The following RORA variants were observed in gnomAD, a reference collection of about 807,000 sequenced individuals.
RORA encodes the protein nuclear receptor ROR-alpha.
A neutral mutation model predicts 69.5 loss-of-function variants in RORA; 7 were observed. The observed-to-expected ratio is 0.10, with a 90% CI of 0.06 to 0.19. RORA has a LOEUF of 0.19. Among genes scored for constraint, RORA ranks in the 10% least tolerant of loss-of-function variants. The pLI, the probability that RORA is intolerant of heterozygous loss-of-function variation, is 1.00. For missense variants in RORA, 457 were observed against 663.0 expected (o/e 0.69, Z 3.41); for synonymous variants, 261 against 240.8 (o/e 1.08, Z -0.78).
chr15:60,688,652 G>A (rs2070780836), intron 1 of RORA, among the ~76,000 whole-genome samples: 1 of 152,160 alleles, frequency 6.6e-6, no homozygotes, highest in Non-Finnish European at 1.5e-5. Flanking sequence ...AGTGCCCTAT[G>A]GTGATGGATA....
At chr15:60,536,824 C>T (rs955191109) in intron 2 of RORA, among the ~76,000 whole-genome samples, 1 of 152,184 alleles carries the variant, frequency 6.6e-6, no homozygotes, top group Non-Finnish European at 1.5e-5. Context: ...CGGTCAAAAA[C>T]TAGTGCTTTA....
chr15:60,900,409 G>GATTGCTATTTTAATACTGCTGTCAT (rs1891354923), intron 1 of RORA, among the ~76,000 whole-genome samples: 1 of 152,170 alleles, frequency 6.6e-6, no homozygotes, highest in African/African-American at 2.4e-5. Flanking sequence ...GAAAAATGTG[G>GATTGCTATTTTAATACTGCTGTCAT]ATTGCTATTT....
chr15:60,802,394 CT>C (rs1461824683), intron 1 of RORA, among the ~76,000 whole-genome samples: 6 of 152,168 alleles, frequency 3.9e-5, no homozygotes, highest in Admixed American at 3.3e-4. Context: ...GCTATTGGTC[CT>C]GTAAAGAGGC....
At chr15:60,757,299 A>G (rs925270431) in intron 1 of RORA, among the ~76,000 whole-genome samples, 3 of 151,962 alleles carry the variant, frequency 2.0e-5, no homozygotes, top group South Asian at 2.1e-4. Context: ...TCTTTTCCTC[A>G]AATCCATAAA....
intron 2 of RORA, among the ~76,000 whole-genome samples, chr15:60,584,799 CAT>C (rs1420188873): frequency 6.6e-6 from 1 of 151,988 alleles, no homozygotes; most frequent in African/African-American, 2.4e-5. Context: ...GAATACTTCT[CAT>C]GTGGTGAAAA....
chr15:60,915,361 G>T (rs1242538392), intron 1 of RORA, among the ~76,000 whole-genome samples: 1 of 152,242 alleles, frequency 6.6e-6, no homozygotes, highest in African/African-American at 2.4e-5. Flanking sequence ...TGGCCCTGGA[G>T]GAAGTTCTCA....
chr15:60,971,809 G>A (rs574423189), intron 1 of RORA, among the ~76,000 whole-genome samples: 37 of 152,326 alleles, frequency 2.4e-4, no homozygotes, highest in African/African-American at 8.2e-4. Flanking sequence ...AGATGTGGAT[G>A]TTCCTTCAGT....
At chr15:61,070,984 C>A (rs892966089) in intron 1 of RORA, among the ~76,000 whole-genome samples, 1 of 151,716 alleles carries the variant, frequency 6.6e-6, no homozygotes, top group Non-Finnish European at 1.5e-5. Context: ...TTTGCTCTCT[C>A]CTCTGTAAAT....
At chr15:61,089,525 G>A (rs2078673769) in intron 1 of RORA, among the ~76,000 whole-genome samples, 1 of 152,170 alleles carries the variant, frequency 6.6e-6, no homozygotes, top group South Asian at 2.1e-4. Flanking sequence ...CTTGGTGCAA[G>A]GTGAAAAGGA....
intron 1 of RORA, among the ~76,000 whole-genome samples, chr15:61,108,401 C>T (rs558916034): frequency 5.9e-5 from 9 of 152,190 alleles, no homozygotes; most frequent in African/African-American, 1.2e-4. Flanking sequence ...TACTTTCTTC[C>T]GGAACAGAGG....
In RORA at chr15:61,149,307, C is replaced by T. The variant is rs370611806; in HGVS notation, c.166+79746G>A. Among the ~76,000 whole-genome samples, 8 of 152,142 alleles carry T rather than the reference C, an allele frequency of 5.3e-5. No homozygotes were observed. In the East Asian group the frequency reaches 5.8e-4, roughly 11 times the overall value. On this transcript the variant is annotated intron_variant, in intron 1 of 10. Coordinates refer to ENST00000335670, the MANE Select transcript of RORA (RefSeq NM_134261.3). ...ATGTCTCTGTGCCTAGCAGCTCCAT[C>T]TCTGGTCTTTCTTGTCTCTCTTCAT...
intron 1 of RORA, among the ~76,000 whole-genome samples, chr15:60,698,326 C>T (rs2070933361): frequency 6.6e-6 from 1 of 152,152 alleles, no homozygotes; most frequent in Non-Finnish European, 1.5e-5. Flanking sequence ...TTAGTAATGT[C>T]AGTGATAAAA....
At chr15:61,098,522 TG>T (rs1374378748) in intron 1 of RORA, among the ~76,000 whole-genome samples, 1 of 152,052 alleles carries the variant, frequency 6.6e-6, no homozygotes, top group African/African-American at 2.4e-5. Context: ...TTGTATTTTT[TG>T]TAGAGACAGG....
At chr15:60,924,553 T>C (rs2140492807) in intron 1 of RORA, among the ~76,000 whole-genome samples, 1 of 152,172 alleles carries the variant, frequency 6.6e-6, no homozygotes, top group Non-Finnish European at 1.5e-5. Context: ...CTATTGTATC[T>C]GTAATGGAAT....
intron 1 of RORA, among the ~76,000 whole-genome samples, chr15:60,943,225 G>A (rs1225340391): frequency 1.3e-5 from 2 of 152,198 alleles, no homozygotes; most frequent in Admixed American, 1.3e-4. Context: ...CCAGGGTGCT[G>A]AGGAAGACTG....
At chr15:60,938,214 T>G (rs1301144520) in intron 1 of RORA, among the ~76,000 whole-genome samples, 1 of 152,218 alleles carries the variant, frequency 6.6e-6, no homozygotes, top group Non-Finnish European at 1.5e-5. Context: ...AGTGTATTTG[T>G]ATCTGTGGTA....
chr15:61,088,789 A>G lies in RORA; in HGVS notation c.166+140264T>C, dbSNP rs138223759. On this transcript the variant is annotated intron_variant, in intron 1 of 10. Coordinates refer to ENST00000335670, the MANE Select transcript of RORA (RefSeq NM_134261.3). ...GAAAAGGTCTTCCATTTTCTTTAAA[A>G]AATTCTATCTAAAGTCTCCTCCATC... is the stretch of plus-strand genomic sequence containing the variant. 1.2e-3 allele frequency among the ~76,000 whole-genome samples: 190 copies of G among 152,308 alleles called. 3 individuals carry two copies. In the Middle Eastern group the frequency reaches 0.014, roughly 11 times the overall value.
rs116120252 is a variant in RORA, at chr15:60,581,731, A to G, written c.197-49880T>C. ...AAACTTAAGGTGCTTACATCACACC[A>G]TGCTGGTTTATAATGAACTGCTGTC... On this transcript the variant is annotated intron_variant, in intron 2 of 10. Transcript: ENST00000335670. Among the ~76,000 whole-genome samples, 1,246 of 152,378 alleles carry G rather than the reference A, an allele frequency of 8.2e-3. 19 individuals carry two copies. The highest frequency in any genetic ancestry group is 0.029 in the African/African-American group (1,194 of 41,590).
At chr15:60,993,644 C>CAAAAAAAAAAAAAAAAA (rs3053932) in intron 1 of RORA, among the ~76,000 whole-genome samples, 1 of 83,076 alleles carries the variant, frequency 1.2e-5, no homozygotes, top group Non-Finnish European at 2.2e-5. Context: ...CTCTCCATCT[C>CAAAAAAAAAAAAAAAAA]AAAAAAAAAA....
Sources: gnomAD v4.1 joint callset for allele counts (sites outside exome capture counted in the v4.1 genomes callset) on GRCh38, gnomAD v4.1.1 for gene constraint, MANE v1.5 for transcripts, NCBI Gene and HGNC (gene_info 2026-07-23, HGNC 2026-07-21) for gene names.